ZMAT3: variants seen among roughly 807,000 people sequenced by gnomAD.
The protein encoded by ZMAT3 is zinc finger matrin-type 3, also known as zinc finger matrin-type protein 3.
Under a neutral mutation model 32.3 loss-of-function variants are expected in ZMAT3, and 17 were observed. The ratio of observed to expected loss-of-function variants is 0.53; its 90% CI spans 0.36 to 0.79. The LOEUF (loss-of-function observed/expected upper bound fraction) is 0.79. Among genes scored for constraint, ZMAT3 ranks in the 30% least tolerant of loss-of-function variants. The probability of loss-of-function intolerance (pLI) is 0.00; values close to 1 mark genes in which losing one functional copy is unlikely to be tolerated. For synonymous variants in ZMAT3, 120 were observed against 133.1 expected (o/e 0.90, Z 0.68); for missense variants, 329 against 359.7 (o/e 0.91, Z 0.69).
intron 2 of ZMAT3, among the ~76,000 whole-genome samples, chr3:179,045,730 C>G (rs1352187183): frequency 6.6e-6 from 1 of 152,112 alleles, no homozygotes; most frequent in East Asian, 1.9e-4. Context: ...GGGACTTCAG[C>G]TGAATTAATA....
At position 179,018,004 on chromosome 3, in the gene ZMAT3, C is replaced by G. The variant is rs1718359653; in HGVS notation, c.*7013G>C. On this transcript the variant is annotated 3_prime_UTR_variant, in exon 6 of 6. Transcript: ENST00000311417. ...GTTAACGTGAAATTCTTACAAATGA[C>G]ACACGATTTACAAAACCCCAGAAAG... 6.6e-6 allele frequency: 1 copy of G among 152,102 alleles called. No individual in the cohort carries two copies. The highest frequency in any genetic ancestry group is 2.4e-5 in the African/African-American group (1 of 41,412). The allele number at this position is 152,102 out of a possible 1,614,324, so 9.4% of individuals were successfully genotyped here.
chr3:179,030,783 C>T lies in ZMAT3; in HGVS notation c.390+97G>A. On this transcript the variant is annotated intron_variant, in intron 3 of 5. Transcript: ENST00000311417. ...TTCAGGATTATTTTCCCAACTGTAC[C>T]CTAATGGACACATGGACGACAAATG... is the stretch of plus-strand genomic sequence containing the variant. 3 of 1,482,294 alleles carry T rather than the reference C, an allele frequency of 2.0e-6. No homozygotes were observed. In the South Asian group the frequency reaches 4.5e-5, roughly 22 times the overall value. 91.8% of individuals were successfully genotyped at this position (1,482,294 alleles called of 1,614,324 possible). A position where few individuals can be genotyped will look rare whatever the true frequency, so the allele number is the denominator to read the frequency against.
chr3:179,029,766 G>A (rs1719079292), intron 3 of ZMAT3, among the ~76,000 whole-genome samples: 1 of 152,188 alleles, frequency 6.6e-6, no homozygotes, highest in Non-Finnish European at 1.5e-5. Context: ...CTTATTTTAA[G>A]TTTTTAATGT....
chr3:179,026,326 T>TTGGTAA, intron 5 of ZMAT3, among the ~76,000 whole-genome samples: 1 of 151,848 alleles, frequency 6.6e-6, no homozygotes, highest in South Asian at 2.1e-4. Flanking sequence ...AATTTTACAT[T>TTGGTAA]TATTACAATT....
intron 2 of ZMAT3, among the ~76,000 whole-genome samples, chr3:179,048,775 CAAA>C (rs199703376): frequency 3.9e-5 from 4 of 102,934 alleles, no homozygotes; most frequent in Non-Finnish European, 4.4e-5. Flanking sequence ...GGTATTCAGG[CAAA>C]AAAAAAAAAA....
In ZMAT3 at chr3:179,018,173, G is replaced by C. The variant is rs905239583; in HGVS notation, c.*6844C>G. The C allele has an allele frequency of 6.6e-6, 1 of 152,076 alleles. No individual in the cohort carries two copies. The highest frequency in any genetic ancestry group is 3.4e-3 in the Middle Eastern group (1 of 294). 9.4% of individuals were successfully genotyped at this position (152,076 alleles called of 1,614,324 possible). A position where few individuals can be genotyped will look rare whatever the true frequency, so the allele number is the denominator to read the frequency against. Reference sequence around the variant, plus strand: ...ATAATATCACTCATTCTGACATGTGGAGTTACTCTTCCTTAAAAAAATATA... The same window carrying C: ...ATAATATCACTCATTCTGACATGTGCAGTTACTCTTCCTTAAAAAAATATA... On this transcript the variant is annotated 3_prime_UTR_variant, in exon 6 of 6. Transcript: ENST00000311417.
chr3:179,027,452 C>A lies in ZMAT3; in HGVS notation c.629G>T (p.Arg210Ile), dbSNP rs762446972. The A allele has an allele frequency of 1.1e-5, 18 of 1,614,222 alleles. No individual in the cohort carries two copies. The highest frequency in any genetic ancestry group is 1.5e-5 in the Non-Finnish European group (18 of 1,180,042). The change falls in exon 5 of 6, where the codon AGA becomes ATA. Residue 210 changes from arginine to isoleucine, a missense_variant. Arg to Ile is a moderately conservative substitution (Grantham distance 97). Coordinates refer to ENST00000311417, the MANE Select transcript of ZMAT3 (RefSeq NM_022470.4). ...ATTATTCTGTACTGTATACATATTT[C>A]TCCTGTTAGGCATCATCTTAAACTC... ...GNEFKMMPNR[R>I]NMYTVQNNSA...
At chr3:179,030,350 A>ATTTTTT (rs1471771998) in intron 3 of ZMAT3, among the ~76,000 whole-genome samples, 1 of 148,424 alleles carries the variant, frequency 6.7e-6, no homozygotes, top group Non-Finnish European at 1.5e-5. Flanking sequence ...TTAGCCCAGA[A>ATTTTTT]TTTCTTTTTT....
intron 2 of ZMAT3, among the ~76,000 whole-genome samples, chr3:179,051,594 T>C (rs1294935352): frequency 6.6e-6 from 1 of 152,088 alleles, no homozygotes; most frequent in Non-Finnish European, 1.5e-5. Context: ...AATCCACAAA[T>C]TCAATGCAAT....
chr3:179,041,996 A>T (rs1005751292), intron 2 of ZMAT3, among the ~76,000 whole-genome samples: 1 of 152,230 alleles, frequency 6.6e-6, no homozygotes. Flanking sequence ...AGAAATGGAT[A>T]AACTCCTGGG....
chr3:179,023,551 C>CA lies in ZMAT3; in HGVS notation c.*1465dup, dbSNP rs1054896452. 1 of 149,370 alleles carries CA rather than the reference C, an allele frequency of 6.7e-6. No individual in the cohort carries two copies. Among genetic ancestry groups the CA allele is most frequent in the African/African-American group, 2.5e-5 (1 of 40,496 alleles). The allele number at this position is 149,370 out of a possible 1,614,324, so 9.3% of individuals were successfully genotyped here. A position where few individuals can be genotyped will look rare whatever the true frequency, so the allele number is the denominator to read the frequency against. On this transcript the variant is annotated 3_prime_UTR_variant, in exon 6 of 6. Transcript: ENST00000311417. ...AAGTAAACCGTAAGAATCAGATTATCAAAAAAGTCTGGCAAAACAAAATAT... is the reference window on the plus strand; with the variant it reads ...AAGTAAACCGTAAGAATCAGATTATCAAAAAAAGTCTGGCAAAACAAAATAT...
chr3:179,032,619 G>A (rs1011504237), intron 2 of ZMAT3, among the ~76,000 whole-genome samples: 30 of 150,468 alleles, frequency 2.0e-4, no homozygotes, highest in African/African-American at 5.1e-4. Context: ...CCGCCGCCCC[G>A]TCTGAGATGT....
chr3:179,048,392 A>C (rs1310908639), intron 2 of ZMAT3, among the ~76,000 whole-genome samples: 9 of 152,214 alleles, frequency 5.9e-5, no homozygotes, highest in African/African-American at 1.9e-4. Flanking sequence ...GAAAGAAAGA[A>C]TCTTAAGAGC....
At chr3:179,035,028 C>T (rs1719505976) in intron 2 of ZMAT3, among the ~76,000 whole-genome samples, 1 of 152,210 alleles carries the variant, frequency 6.6e-6, no homozygotes, top group African/African-American at 2.4e-5. Context: ...GAATTCTCCT[C>T]ATTATAAACC....
chr3:179,028,134 AT>A (rs1191002123), intron 3 of ZMAT3, among the ~76,000 whole-genome samples: 1 of 152,210 alleles, frequency 6.6e-6, no homozygotes, highest in Non-Finnish European at 1.5e-5. Context: ...CTAAAATCAC[AT>A]TACGGGAAAC....
At chr3:179,025,537 C>T (rs1718821718) in intron 5 of ZMAT3, among the ~76,000 whole-genome samples, 1 of 152,148 alleles carries the variant, frequency 6.6e-6, no homozygotes, top group Non-Finnish European at 1.5e-5. Context: ...AGCATTATAT[C>T]AGAAGTCTTA....
At chr3:179,061,310 T>C (rs953817954) in intron 2 of ZMAT3, among the ~76,000 whole-genome samples, 1 of 151,794 alleles carries the variant, frequency 6.6e-6, no homozygotes, top group Non-Finnish European at 1.5e-5. Flanking sequence ...GGGGTTGAGA[T>C]TTAGGGATGG....
At position 179,020,629 on chromosome 3, in the gene ZMAT3, T is replaced by C. The variant is rs1328164951; in HGVS notation, c.*4388A>G. ...CTAAAGCAGCTCTATTGTCCTAGCA[T>C]ATGCCTCACCAAGTTCTTTAAAGGG... On this transcript the variant is annotated 3_prime_UTR_variant, in exon 6 of 6. Transcript: ENST00000311417. The C allele has an allele frequency of 6.6e-6, 1 of 152,208 alleles. No individual in the cohort carries two copies. The highest frequency in any genetic ancestry group is 1.5e-5 in the Non-Finnish European group (1 of 68,042). 9.4% of individuals were successfully genotyped at this position (152,208 alleles called of 1,614,324 possible).
intron 2 of ZMAT3, among the ~76,000 whole-genome samples, chr3:179,051,845 A>G (rs537999601): frequency 6.6e-6 from 1 of 152,330 alleles, no homozygotes; most frequent in East Asian, 1.9e-4. Flanking sequence ...GACCAATAAA[A>G]CAGAATAGAG....
Sources: allele counts gnomAD v4.1 joint callset (sites outside exome capture counted in the v4.1 genomes callset), GRCh38; gene constraint gnomAD v4.1.1; transcripts MANE v1.5; gene names NCBI Gene and HGNC (gene_info 2026-07-23, HGNC 2026-07-21).